The following DUSP16 variants were observed in gnomAD, a reference collection of about 807,000 sequenced individuals.
DUSP16 encodes the protein dual specificity phosphatase 16.
Under a neutral mutation model 58.3 loss-of-function variants are expected in DUSP16, and 21 were observed. The ratio of observed to expected loss-of-function variants is 0.36; its 90% confidence interval spans 0.26 to 0.52. The LOEUF is 0.52. DUSP16 is among the 20% of genes least tolerant of loss of function. The pLI, the probability that DUSP16 is intolerant of heterozygous loss-of-function variation, is 0.94. For synonymous variants in DUSP16, 320 were observed against 323.8 expected (o/e 0.99, Z 0.12); for missense variants, 726 against 819.0 (o/e 0.89, Z 1.39).
chr12:12,486,297 A>G (rs1044015359), intron 5 of DUSP16, among the ~76,000 whole-genome samples: 2 of 152,132 alleles, frequency 1.3e-5, no homozygotes, highest in African/African-American at 4.8e-5. Flanking sequence ...CACTAAAGCC[A>G]CATTCCAAAT....
Position 12,477,374 on chromosome 12 carries a change from G to A in DUSP16, c.1457C>T (p.Ser486Leu), listed in dbSNP as rs142808469. ...GGTGCCACTGCTGCTGGTTCTGACC[G>A]AATGCAATCGCTTGCTCTGGCTGTC... ...PSDSQSKRLH[S>L]VRTSSSGTAQ... The change falls in exon 7 of 7, where the codon TCG becomes TTG. Residue 486 changes from serine (S) to leucine (L), a missense_variant. Transcript: ENST00000298573. The surrounding 1 kb of genome is among the most constrained non-coding windows in gnomAD (Gnocchi z 4.1). The A allele has an allele frequency of 1.6e-4, 265 of 1,613,552 alleles. No homozygotes were observed. The highest frequency in any genetic ancestry group is 2.1e-4 in the Non-Finnish European group (248 of 1,179,780).
chr12:12,477,755 C>G lies in DUSP16; in HGVS notation c.1076G>C (p.Ser359Thr). 6.2e-7 allele frequency: 1 copy of G among 1,605,428 alleles called. No individual in the cohort carries two copies. Among genetic ancestry groups the G allele is most frequent in the Non-Finnish European group, 8.5e-7 (1 of 1,178,424 alleles). The change falls in exon 7 of 7, where the codon AGC becomes ACC. Residue 359 changes from serine to threonine, a missense_variant. Ser to Thr is a moderately conservative substitution (Grantham distance 58). Coordinates refer to ENST00000298573, the MANE Select transcript of DUSP16 (RefSeq NM_030640.3). This position sits in a 1 kb window ranked among gnomAD's most constrained non-coding sequence, Gnocchi z 4.1. Reference sequence around the variant, plus strand: ...CTGCACGCTGGGCACGCTGGGCACGCTGGCGGGATGCACGGGCCTTTGTCC... The same window carrying G: ...CTGCACGCTGGGCACGCTGGGCACGGTGGCGGGATGCACGGGCCTTTGTCC... ...AAGQRPVHPA[S>T]VPSVPSVQPS...
intron 5 of DUSP16, among the ~76,000 whole-genome samples, chr12:12,486,481 A>AGTGTGTGTGTGTGT (rs56941943): frequency 2.0e-4 from 29 of 147,374 alleles, no homozygotes; most frequent in African/African-American, 4.8e-4. Flanking sequence ...ACCAAATGAG[A>AGTGTGTGTGTGTGT]GTGTGTGTGT....
At chr12:12,521,721 T>A (rs990011067) in intron 1 of DUSP16, among the ~76,000 whole-genome samples, 1 of 152,184 alleles carries the variant, frequency 6.6e-6, no homozygotes, top group Non-Finnish European at 1.5e-5. Context: ...TGAATTATAA[T>A]CACCTAGGGC....
intron 3 of DUSP16, 131 bp downstream of exon 3, chr12:12,519,731 C>A: frequency 1.1e-6 from 1 of 885,428 alleles, no homozygotes; most frequent in African/African-American, 1.7e-5. Flanking sequence ...TGACATCAAT[C>A]AAAAGCTATA....
At chr12:12,508,535 G>T (rs1394793353) in intron 3 of DUSP16, among the ~76,000 whole-genome samples, 1 of 152,128 alleles carries the variant, frequency 6.6e-6, no homozygotes, top group East Asian at 1.9e-4. Context: ...CTCCAATTGA[G>T]CCATACTAAA....
chr12:12,547,186 T>C (rs1371616827), intron 1 of DUSP16, among the ~76,000 whole-genome samples: 1 of 152,092 alleles, frequency 6.6e-6, no homozygotes, highest in Non-Finnish European at 1.5e-5. Context: ...CCCAGCACCT[T>C]AGGAGGCCGA....
intron 1 of DUSP16, among the ~76,000 whole-genome samples, chr12:12,548,918 CTT>C (rs1592211308): frequency 6.6e-6 from 1 of 152,080 alleles, no homozygotes; most frequent in East Asian, 1.9e-4. Context: ...ATGATCATGA[CTT>C]TATCCCTCAG....
At chr12:12,485,040 C>T (rs1172323928) in intron 5 of DUSP16, among the ~76,000 whole-genome samples, 2 of 139,478 alleles carry the variant, frequency 1.4e-5, no homozygotes, top group African/African-American at 2.7e-5. Context: ...GATAGAGTTT[C>T]ACTCTGTTAC....
chr12:12,500,270 C>G (rs1465783822), intron 4 of DUSP16, among the ~76,000 whole-genome samples: 1 of 152,092 alleles, frequency 6.6e-6, no homozygotes, highest in African/African-American at 2.4e-5. Context: ...AAATCCTGTC[C>G]TATTTCAGTT....
At chr12:12,546,751 T>C (rs1944646258) in intron 1 of DUSP16, among the ~76,000 whole-genome samples, 1 of 152,236 alleles carries the variant, frequency 6.6e-6, no homozygotes, top group Non-Finnish European at 1.5e-5. Context: ...TTGTTTACTT[T>C]ATTCCTCCTA....
intron 6 of DUSP16, 147 bp downstream of exon 6, chr12:12,480,076 C>G: frequency 1.8e-6 from 2 of 1,122,330 alleles, no homozygotes; most frequent in Non-Finnish European, 2.5e-6. Flanking sequence ...CCAATCTTCA[C>G]AAGACCATTA....
intron 3 of DUSP16, among the ~76,000 whole-genome samples, chr12:12,515,948 A>G (rs1592188157): frequency 6.6e-6 from 1 of 150,460 alleles, no homozygotes; most frequent in African/African-American, 2.5e-5. Flanking sequence ...GCTAATTTTT[A>G]TATTTTTAGT....
chr12:12,540,146 T>TA (rs1270768189), intron 1 of DUSP16, among the ~76,000 whole-genome samples: 59 of 140,772 alleles, frequency 4.2e-4, no homozygotes, highest in Non-Finnish European at 3.9e-4. Context: ...AAAAAAAAAC[T>TA]AAAAAAAAAC....
intron 4 of DUSP16, 88 bp downstream of exon 4, chr12:12,500,431 G>A (rs775331735): frequency 1.5e-5 from 21 of 1,423,506 alleles, no homozygotes; most frequent in Non-Finnish European, 2.0e-5. Flanking sequence ...TGAGATTGGG[G>A]TGTGTTTCAA....
intron 3 of DUSP16, among the ~76,000 whole-genome samples, chr12:12,509,070 T>C (rs1944038180): frequency 6.6e-6 from 1 of 152,178 alleles, no homozygotes; most frequent in Admixed American, 6.5e-5. Flanking sequence ...TACATAACTA[T>C]GCCCAGAAAA....
chr12:12,513,310 TA>T (rs1315830892), intron 3 of DUSP16, among the ~76,000 whole-genome samples: 1 of 152,242 alleles, frequency 6.6e-6, no homozygotes, highest in Non-Finnish European at 1.5e-5. Context: ...TAAAACAATT[TA>T]TATACAGTGT....
At chr12:12,479,456 G>A (rs1238594458) in intron 6 of DUSP16, among the ~76,000 whole-genome samples, 4 of 152,094 alleles carry the variant, frequency 2.6e-5, no homozygotes, top group African/African-American at 9.7e-5. Context: ...AGGTCTGAAC[G>A]GCGGCATGAG....
intron 3 of DUSP16, among the ~76,000 whole-genome samples, chr12:12,503,071 AC>A (rs1197313891): frequency 0.059 from 13 of 220 alleles, no homozygotes; most frequent in African/African-American, 0.15. Flanking sequence ...TTGTCAAGTT[AC>A]TTAAGCCCCT....
Sources: gnomAD v4.1 joint callset for allele counts (sites outside exome capture counted in the v4.1 genomes callset) on GRCh38, gnomAD v4.1.1 for gene constraint, Gnocchi (gnomAD v3.1) non-coding constraint, MANE v1.5 for transcripts, NCBI Gene and HGNC (gene_info 2026-07-23, HGNC 2026-07-21) for gene names.